Variants in TBC1D12 observed in about 807,000 individuals in gnomAD.
The protein encoded by TBC1D12 is TBC1 domain family member 12, also known as TBC1 domain family, member 12.
In TBC1D12, 56 loss-of-function variants were observed where a neutral mutation model predicts 86.7. The ratio of observed to expected loss-of-function variants is 0.65; its 90% CI spans 0.52 to 0.81. The LOEUF (loss-of-function observed/expected upper bound fraction) is 0.81, where lower values mean the gene tolerates loss of function less well. Among genes scored for constraint, TBC1D12 ranks in the 30% least tolerant of loss-of-function variants. The pLI is 0.00. For missense variants in TBC1D12, 1,023 were observed against 1,038.8 expected (o/e 0.98, Z 0.21); for synonymous variants, 421 against 411.7 (o/e 1.02, Z -0.27).
At chr10:94,519,707 A>T (rs549479515) in intron 9 of TBC1D12, among the ~76,000 whole-genome samples, 94 of 152,236 alleles carry the variant, frequency 6.2e-4, no homozygotes, top group Non-Finnish European at 1.1e-3. Context: ...CACCTTCTAG[A>T]GGCTGCCTAC....
chr10:94,457,748 TTA>T (rs2055649570), intron 2 of TBC1D12, among the ~76,000 whole-genome samples: 1 of 152,254 alleles, frequency 6.6e-6, no homozygotes, highest in Admixed American at 6.5e-5. Context: ...ATTGAACATC[TTA>T]TATGATTCCA....
At chr10:94,521,253 A>G (rs893793764) in intron 9 of TBC1D12, among the ~76,000 whole-genome samples, 7 of 147,906 alleles carry the variant, frequency 4.7e-5, no homozygotes, top group Admixed American at 6.7e-5. Context: ...AAAAAACAGG[A>G]GAAGAAGTAT....
chr10:94,436,631 G>A (rs1232595992), intron 1 of TBC1D12, among the ~76,000 whole-genome samples: 1 of 151,872 alleles, frequency 6.6e-6, no homozygotes, highest in Non-Finnish European at 1.5e-5. Context: ...GTTCAATAAT[G>A]TATCATTTCA....
intron 11 of TBC1D12, among the ~76,000 whole-genome samples, chr10:94,524,434 C>G (rs1391530744): frequency 6.6e-6 from 1 of 152,160 alleles, no homozygotes; most frequent in East Asian, 1.9e-4. Flanking sequence ...TTAATCAGAA[C>G]AACCACATAA....
intron 2 of TBC1D12, among the ~76,000 whole-genome samples, chr10:94,471,141 T>G (rs1372790953): frequency 6.6e-6 from 1 of 152,046 alleles, no homozygotes; most frequent in Non-Finnish European, 1.5e-5. Context: ...CCGGGCATGG[T>G]GGCACATGCC....
intron 1 of TBC1D12, among the ~76,000 whole-genome samples, chr10:94,415,310 C>A (rs1292071382): frequency 6.6e-6 from 1 of 152,198 alleles, no homozygotes; most frequent in Non-Finnish European, 1.5e-5. Context: ...CCCCCAACCC[C>A]TCATTGACTT....
At chr10:94,415,557 C>T (rs1589601180) in intron 1 of TBC1D12, among the ~76,000 whole-genome samples, 1 of 152,246 alleles carries the variant, frequency 6.6e-6, no homozygotes, top group Non-Finnish European at 1.5e-5. Flanking sequence ...CACGGTGAAA[C>T]CCCGTCTCTA....
chr10:94,411,877 G>A (rs1249541878), intron 1 of TBC1D12, among the ~76,000 whole-genome samples: 2 of 152,200 alleles, frequency 1.3e-5, no homozygotes, highest in African/African-American at 4.8e-5. Context: ...AGGATCACTT[G>A]AGCCAGCGAG....
intron 2 of TBC1D12, among the ~76,000 whole-genome samples, chr10:94,457,018 C>CTT (rs2055637099): frequency 6.6e-6 from 1 of 152,166 alleles, no homozygotes; most frequent in African/African-American, 2.4e-5. Context: ...CATGGTATAT[C>CTT]TTTCTCCATC....
chr10:94,492,017 C>T (rs893088787), intron 3 of TBC1D12, among the ~76,000 whole-genome samples: 1 of 152,136 alleles, frequency 6.6e-6, no homozygotes, highest in African/African-American at 2.4e-5. Context: ...GCTAGTGTTA[C>T]TGTTGCACCT....
At chr10:94,456,601 T>C (rs1186556244) in intron 2 of TBC1D12, among the ~76,000 whole-genome samples, 3 of 152,226 alleles carry the variant, frequency 2.0e-5, no homozygotes, top group Admixed American at 2.0e-4. Flanking sequence ...TAGTCTGTAT[T>C]GGTGAATGTT....
chr10:94,462,535 TTTG>T (rs1245662611), intron 2 of TBC1D12, among the ~76,000 whole-genome samples: 1 of 152,188 alleles, frequency 6.6e-6, no homozygotes, highest in East Asian at 1.9e-4. Flanking sequence ...GTGGAAGTTT[TTTG>T]TTGTTGAGCA....
intron 3 of TBC1D12, among the ~76,000 whole-genome samples, chr10:94,488,631 A>C (rs1010336415): frequency 2.6e-5 from 4 of 151,236 alleles, no homozygotes; most frequent in African/African-American, 9.7e-5. Flanking sequence ...ACCTCAAGTG[A>C]TTTGCCCGCT....
In TBC1D12 at chr10:94,534,132, A is replaced by G. The variant is rs1554952147; in HGVS notation, c.*1036A>G. ...AGAATAAAAGAAAAAGGTAAAGTTA[A>G]TTTTTTTTCTAAGTCTACATCCTAT... is the stretch of plus-strand genomic sequence containing the variant. On this transcript the variant is annotated 3_prime_UTR_variant, in exon 13 of 13. Transcript: ENST00000225235. 6.6e-6 allele frequency: 1 copy of G among 152,046 alleles called. No homozygotes were observed. Among genetic ancestry groups the G allele is most frequent in the Non-Finnish European group, 1.5e-5 (1 of 67,994 alleles). 9.4% of individuals were successfully genotyped at this position (152,046 alleles called of 1,614,324 possible).
intron 1 of TBC1D12, among the ~76,000 whole-genome samples, chr10:94,439,239 T>C (rs1448934813): frequency 1.3e-5 from 2 of 152,218 alleles, no homozygotes; most frequent in East Asian, 1.9e-4. Flanking sequence ...GTTCATCAAC[T>C]TTTTCTTTTG....
intron 2 of TBC1D12, among the ~76,000 whole-genome samples, chr10:94,461,548 G>A (rs2055730589): frequency 6.6e-6 from 1 of 152,126 alleles, no homozygotes; most frequent in Non-Finnish European, 1.5e-5. Flanking sequence ...TAGAGTTCCT[G>A]GAAATAAAAC....
At chr10:94,424,892 G>A (rs988739279) in intron 1 of TBC1D12, among the ~76,000 whole-genome samples, 2 of 152,158 alleles carry the variant, frequency 1.3e-5, no homozygotes, top group African/African-American at 4.8e-5. Flanking sequence ...CACAATTCAC[G>A]CAGGGTTTGG....
At position 94,403,189 on chromosome 10, in the gene TBC1D12, C is replaced by G. The variant is rs781268722; in HGVS notation, c.576C>G (p.Ala192=). The change falls in exon 1 of 13, where the codon GCC becomes GCG. Residue 192 remains alanine, a synonymous_variant. Transcript: ENST00000225235. ...ADGAGSPSDW[A]SPLEDPLRSC... ...GCGCGGGAAGCCCGTCCGATTGGGC[C>G]TCTCCGCTTGAGGACCCGCTGCGGA... The G allele has an allele frequency of 6.7e-7, 1 of 1,496,158 alleles. No individual in the cohort carries two copies. 92.7% of individuals were successfully genotyped at this position (1,496,158 alleles called of 1,614,324 possible).
At chr10:94,487,296 G>A (rs2056178818) in intron 3 of TBC1D12, among the ~76,000 whole-genome samples, 1 of 147,700 alleles carries the variant, frequency 6.8e-6, no homozygotes, top group South Asian at 2.1e-4. Context: ...TGATTGGAGA[G>A]TTTAGTCCAT....
Sources: allele counts gnomAD v4.1 joint callset (sites outside exome capture counted in the v4.1 genomes callset), GRCh38; gene constraint gnomAD v4.1.1; transcripts MANE v1.5; gene names NCBI Gene and HGNC (gene_info 2026-07-23, HGNC 2026-07-21).